The following LGR4 variants were observed in gnomAD, a reference collection of about 807,000 sequenced individuals.
LGR4 encodes leucine-rich repeat-containing G protein-coupled receptor 4.
A neutral mutation model predicts 84.8 loss-of-function variants in LGR4; 44 were observed. That is an observed-to-expected ratio of 0.52 (90% CI 0.41 to 0.67). LGR4 has a LOEUF of 0.67. Among genes scored for constraint, LGR4 ranks in the 30% least tolerant of loss-of-function variants. LGR4 has a pLI of 0.00. For synonymous variants in LGR4, 429 were observed against 434.3 expected (o/e 0.99, Z 0.15); for missense variants, 1,032 against 1,131.4 (o/e 0.91, Z 1.26).
intron 2 of LGR4, among the ~76,000 whole-genome samples, chr11:27,406,639 C>T (rs1020922820): frequency 5.9e-5 from 9 of 152,262 alleles, no homozygotes; most frequent in East Asian, 5.8e-4. Context: ...ACACTATAGG[C>T]AATGTCTTGA....
intron 17 of LGR4, among the ~76,000 whole-genome samples, chr11:27,369,734 A>G (rs888071064): frequency 6.6e-6 from 1 of 152,068 alleles, no homozygotes; most frequent in Non-Finnish European, 1.5e-5. Flanking sequence ...AATATACTTT[A>G]TAATCATGTA....
chr11:27,401,055 TTA>T (rs1312775026), intron 2 of LGR4, among the ~76,000 whole-genome samples: 3 of 152,202 alleles, frequency 2.0e-5, no homozygotes, highest in African/African-American at 7.2e-5. Flanking sequence ...TGTAAAAATT[TTA>T]TATGTTTTAA....
Position 27,368,305 on chromosome 11 carries a change from T to G in LGR4, c.2418A>C (p.Pro806=). ...LNPVLYVFFN[P]KFKEDWKLLK... ...GTAACTTCCAGTCTTCTTTAAACTT[T>G]GGGTTGAAGAAAACATACAGGACTG... The change falls in exon 18 of 18, where the codon CCA becomes CCC. Residue 806 remains proline, a synonymous_variant. Transcript: ENST00000379214. 1 of 1,614,098 alleles carries G rather than the reference T, an allele frequency of 6.2e-7. No individual in the cohort carries two copies. The highest frequency in any genetic ancestry group is 1.3e-5 in the African/African-American group (1 of 75,000).
rs1864698932 is a variant in LGR4 at position 27,462,353 on chromosome 11, G to T, written c.185+9765C>A. ...AAGTCACAGAGACCCAGGCAAAAATGTAAGATTTCCCTTGAGCTCCCTCCT... is the reference window on the plus strand; with the variant it reads ...AAGTCACAGAGACCCAGGCAAAAATTTAAGATTTCCCTTGAGCTCCCTCCT... On this transcript the variant is annotated intron_variant, in intron 1 of 17. Transcript: ENST00000379214. Among the ~76,000 whole-genome samples, 3 of 152,180 alleles carry T rather than the reference G, an allele frequency of 2.0e-5. No homozygotes were observed. In the South Asian group the frequency reaches 6.2e-4, roughly 31 times the overall value.
chr11:27,440,654 C>A (rs2133431666), intron 1 of LGR4, among the ~76,000 whole-genome samples: 1 of 152,224 alleles, frequency 6.6e-6, no homozygotes, highest in African/African-American at 2.4e-5. Flanking sequence ...TTTGTTCCCA[C>A]AAAGACCCGG....
chr11:27,422,006 C>A (rs947452079), intron 1 of LGR4, among the ~76,000 whole-genome samples: 1 of 152,162 alleles, frequency 6.6e-6, no homozygotes, highest in African/African-American at 2.4e-5. Flanking sequence ...TTTCTTCCTA[C>A]CTAACTGGTG....
chr11:27,369,914 A>G (rs1268882840), intron 17 of LGR4, among the ~76,000 whole-genome samples: 1 of 152,204 alleles, frequency 6.6e-6, no homozygotes, highest in Non-Finnish European at 1.5e-5. Flanking sequence ...AGCTAGGACT[A>G]CACCTCGGTG....
intron 1 of LGR4, among the ~76,000 whole-genome samples, chr11:27,430,763 A>G (rs1864101877): frequency 6.6e-6 from 1 of 152,136 alleles, no homozygotes; most frequent in African/African-American, 2.4e-5. Flanking sequence ...CAGTCAAAGC[A>G]ATCTTTTTAA....
Position 27,380,630 on chromosome 11 carries a change from A to G in LGR4, c.902+10T>C. On this transcript the variant is annotated intron_variant, in intron 9 of 17. Transcript: ENST00000379214. ...AATATCCAGGTTTGTTTTTAAATTC[A>G]CATACTTACAGGGAATGAAGATCAG... is the stretch of plus-strand genomic sequence containing the variant. The G allele has an allele frequency of 6.6e-7, 1 of 1,519,534 alleles. No homozygotes were observed. The highest frequency in any genetic ancestry group is 9.1e-7 in the Non-Finnish European group (1 of 1,099,732). 94.1% of individuals were successfully genotyped at this position (1,519,534 alleles called of 1,614,324 possible).
intron 2 of LGR4, among the ~76,000 whole-genome samples, chr11:27,402,956 T>C (rs776455529): frequency 6.6e-6 from 1 of 152,176 alleles, no homozygotes; most frequent in Non-Finnish European, 1.5e-5. Flanking sequence ...TGATGCATCA[T>C]AGCAGCTCCA....
intron 1 of LGR4, among the ~76,000 whole-genome samples, chr11:27,436,739 A>T (rs1440162048): frequency 6.6e-6 from 1 of 152,182 alleles, no homozygotes; most frequent in East Asian, 1.9e-4. Flanking sequence ...TAGCTATTGG[A>T]CCACTCACTC....
intron 6 of LGR4, 38 bp from the exon 7 acceptor site, chr11:27,382,294 A>C (rs1565073322): frequency 7.7e-7 from 1 of 1,306,476 alleles, no homozygotes. Context: ...AAAATATTAA[A>C]TAGTGGTCAT....
intron 11 of LGR4, 93 bp from the exon 12 acceptor site, chr11:27,377,316 A>G: frequency 3.0e-6 from 2 of 656,530 alleles, no homozygotes; most frequent in Admixed American, 2.8e-5. Flanking sequence ...CAGAGCTAAG[A>G]TAAGTAATAA....
intron 4 of LGR4, among the ~76,000 whole-genome samples, chr11:27,388,959 C>T (rs1425508881): frequency 6.6e-6 from 1 of 151,996 alleles, no homozygotes; most frequent in Non-Finnish European, 1.5e-5. Context: ...ATTATGCTAC[C>T]TTTTTATTAG....
intron 1 of LGR4, among the ~76,000 whole-genome samples, chr11:27,449,951 G>A (rs1028984086): frequency 6.6e-6 from 1 of 152,166 alleles, no homozygotes; most frequent in African/African-American, 2.4e-5. Context: ...TCCCCTAGAA[G>A]CTGATGATTT....
intron 2 of LGR4, among the ~76,000 whole-genome samples, chr11:27,408,119 A>G (rs958076491): frequency 3.7e-4 from 57 of 152,054 alleles, no homozygotes; most frequent in Non-Finnish European, 4.3e-4. Context: ...GACATATGTT[A>G]TGTGTGTGTG....
intron 1 of LGR4, among the ~76,000 whole-genome samples, chr11:27,452,618 TTTGAG>T (rs1439153315): frequency 1.3e-5 from 2 of 149,760 alleles, no homozygotes; most frequent in African/African-American, 5.0e-5. Flanking sequence ...TATACAACTT[TTTGAG>T]TTTTTTTTTT....
At chr11:27,399,234 T>C (rs950366291) in intron 2 of LGR4, among the ~76,000 whole-genome samples, 3 of 152,070 alleles carry the variant, frequency 2.0e-5, no homozygotes, top group Non-Finnish European at 4.4e-5. Flanking sequence ...TTTCTTTCTA[T>C]ACCTACTTTT....
intron 2 of LGR4, among the ~76,000 whole-genome samples, chr11:27,395,739 G>T (rs780761243): frequency 1.3e-5 from 2 of 152,188 alleles, no homozygotes; most frequent in Non-Finnish European, 2.9e-5. Flanking sequence ...CTTCAGGAAT[G>T]TATCTACGTA....
Sources: gnomAD v4.1 joint callset for allele counts (sites outside exome capture counted in the v4.1 genomes callset) on GRCh38, gnomAD v4.1.1 for gene constraint, MANE v1.5 for transcripts, NCBI Gene and HGNC (gene_info 2026-07-23, HGNC 2026-07-21) for gene names.